The following HELLS variants were observed in gnomAD, a reference collection of about 807,000 sequenced individuals.
HELLS encodes helicase, lymphoid specific, also known as lymphoid-specific helicase.
HELLS carries 32 observed loss-of-function variants against 120.0 expected under a neutral mutation model. The ratio of observed to expected loss-of-function variants is 0.27; its 90% CI spans 0.20 to 0.36. The LOEUF (loss-of-function observed/expected upper bound fraction) is 0.36, where lower values mean the gene tolerates loss of function less well. HELLS is among the 10% of genes least tolerant of loss of function. The pLI is 1.00. For missense variants in HELLS, 650 were observed against 993.4 expected (o/e 0.65, Z 4.65); for synonymous variants, 341 against 323.4 (o/e 1.05, Z -0.58).
intron 4 of HELLS, among the ~76,000 whole-genome samples, chr10:94,559,965 A>C (rs936735656): frequency 2.6e-5 from 4 of 152,200 alleles, no homozygotes; most frequent in African/African-American, 9.7e-5. Context: ...ATTTGCTGAA[A>C]ATTACGGATT....
At chr10:94,568,967 G>C (rs543753861) in intron 6 of HELLS, among the ~76,000 whole-genome samples, 13 of 150,868 alleles carry the variant, frequency 8.6e-5, no homozygotes, top group Non-Finnish European at 1.9e-4. Context: ...TCATCCTCCC[G>C]AGTAGCTGGG....
intron 4 of HELLS, 109 bp downstream of exon 4, chr10:94,558,304 A>G (rs1843365368): frequency 1.5e-6 from 2 of 1,309,848 alleles, no homozygotes; most frequent in South Asian, 1.7e-5. Flanking sequence ...TTCTTTAGTG[A>G]TAAACCTAAC....
chr10:94,572,472 C>A (rs1226601378), intron 7 of HELLS, among the ~76,000 whole-genome samples: 1 of 152,198 alleles, frequency 6.6e-6, no homozygotes, highest in East Asian at 1.9e-4. Context: ...TTCCACTCAA[C>A]ATGTCTGTGA....
At chr10:94,573,359 C>G (rs75977792) in intron 7 of HELLS, among the ~76,000 whole-genome samples, 1 of 152,146 alleles carries the variant, frequency 6.6e-6, no homozygotes, top group Non-Finnish European at 1.5e-5. Context: ...TTGAGTATCA[C>G]AATATTAGAA....
Position 94,545,925 on chromosome 10 carries a change from C to T in HELLS, c.4C>T (p.Pro2Ser). 2.6e-6 allele frequency: 4 copies of T among 1,555,698 alleles called. No homozygotes were observed. In the South Asian group the frequency reaches 4.7e-5, roughly 18 times the overall value. Reference protein sequence around the residue: MPAERPAGSGGS... With the variant: MSAERPAGSGGS... ...GTTCCCGGGTGAGTGTCCAGGCATG[C>T]CAGCGGAACGGCCCGCGGGCAGCGG... The change falls in exon 1 of 22, where the codon CCA (proline) becomes TCA (serine). Residue 2 changes from proline to serine, a missense_variant. This residue lies in a region of HELLS where 90 missense variants were observed against 93.6 expected (regional missense o/e 0.96). Transcript: ENST00000348459.
chr10:94,560,687 ACT>A (rs1420882747), intron 4 of HELLS, among the ~76,000 whole-genome samples: 1 of 151,198 alleles, frequency 6.6e-6, no homozygotes, highest in African/African-American at 2.4e-5. Context: ...ACAGAGGGAG[ACT>A]CTGTTCCTAA....
rs771903724 is a variant in HELLS at position 94,601,567 on chromosome 10, G to T, written c.2462G>T (p.Gly821Val). Reference sequence around the variant, plus strand: ...TCAGGACCAATTAAAGAGAAGATGGGGATATTCAAGATATTAGAAAATTCT... The same window carrying T: ...TCAGGACCAATTAAAGAGAAGATGGTGATATTCAAGATATTAGAAAATTCT... ...NASGPIKEKM[G>V]IFKILENSED... Residue 821 changes from glycine to valine, a missense_variant, in exon 22 of 22, where the codon GGG (glycine) becomes GTG (valine). Gly to Val is a moderately radical substitution (Grantham distance 109, BLOSUM62 -3). Transcript: ENST00000348459. 1 of 1,586,084 alleles carries T rather than the reference G, an allele frequency of 6.3e-7. No individual in the cohort carries two copies. The highest frequency in any genetic ancestry group is 8.6e-7 in the Non-Finnish European group (1 of 1,159,664).
intron 2 of HELLS, among the ~76,000 whole-genome samples, chr10:94,550,159 A>T (rs570092253): frequency 2.0e-5 from 3 of 152,122 alleles, no homozygotes; most frequent in African/African-American, 4.8e-5. Context: ...ACCTCAGGTG[A>T]TCCGCCCGTC....
exon 10 of HELLS, chr10:94,610,797 C>G (rs1418583866): frequency 6.6e-6 from 1 of 152,198 alleles, no homozygotes; most frequent in Non-Finnish European, 1.5e-5. Flanking sequence ...GCCATGTTGG[C>G]CAGGCTAGCC....
At chr10:94,611,132 T>G (rs1472227318) in exon 10 of HELLS, 1 of 152,198 alleles carries the variant, frequency 6.6e-6, no homozygotes, top group Non-Finnish European at 1.5e-5. Context: ...TGAAGGGACT[T>G]TCATGATTTC....
Position 94,575,086 on chromosome 10 carries a change from T to C in HELLS, c.888+350T>C, listed in dbSNP as rs574567592. On this transcript the variant is annotated intron_variant, in intron 9 of 21. Coordinates refer to ENST00000348459, the MANE Select transcript of HELLS (RefSeq NM_018063.5). ...GAGTTTTCTGTTTTTTCTGTACTTG[T>C]TACCTTCTGCAATTTTTTTTTTTTT... Among the ~76,000 whole-genome samples the C allele has an allele frequency of 2.0e-5, 3 of 151,778 alleles. No homozygotes were observed. The South Asian group carries it at 6.2e-4, about 32-fold the overall frequency.
chr10:94,600,907 T>C (rs549916179), intron 21 of HELLS, among the ~76,000 whole-genome samples: 7 of 152,074 alleles, frequency 4.6e-5, no homozygotes, highest in Non-Finnish European at 8.8e-5. Flanking sequence ...TTGCAACATA[T>C]AACAGGAAGT....
downstream of HELLS, among the ~76,000 whole-genome samples, chr10:94,605,165 C>T (rs1391395795): frequency 2.0e-5 from 3 of 148,706 alleles, no homozygotes; most frequent in Admixed American, 2.0e-4. Flanking sequence ...TCACTGCAAC[C>T]TCTGTCTCCC....
chr10:94,612,477 G>A (rs905773290), exon 10 of HELLS: 7 of 152,314 alleles, frequency 4.6e-5, no homozygotes, highest in African/African-American at 1.7e-4. Flanking sequence ...CAAGTGAACA[G>A]TGGAGTTTTA....
At chr10:94,601,025 G>C (rs1846011016) in intron 21 of HELLS, among the ~76,000 whole-genome samples, 1 of 152,128 alleles carries the variant, frequency 6.6e-6, no homozygotes. Flanking sequence ...AGGATGATTA[G>C]AAATCAGTAA....
chr10:94,556,749 T>C (rs1473904413), intron 3 of HELLS, among the ~76,000 whole-genome samples: 1 of 152,242 alleles, frequency 6.6e-6, no homozygotes, highest in Non-Finnish European at 1.5e-5. Flanking sequence ...ATTTTTGAAA[T>C]ACGTTTTTAC....
chr10:94,574,382 T>C (rs1844331890), intron 8 of HELLS, 172 bp from the exon 9 acceptor site: 1 of 700,866 alleles, frequency 1.4e-6, no homozygotes, highest in East Asian at 2.7e-5. Flanking sequence ...CCAGCACTTT[T>C]ATGGCTTTGA....
In HELLS at chr10:94,596,973, A is replaced by G. The variant is rs1037914914; in HGVS notation, c.2345+17A>G. On this transcript the variant is annotated intron_variant, in intron 20 of 21. Transcript: ENST00000348459. ...TTATGAAAGGTGAGTTTTTAATTTT[A>G]GAAAGATTTAATTTGTAGCTTTGAA... 6.8e-7 allele frequency: 1 copy of G among 1,464,236 alleles called. No homozygotes were observed. Among genetic ancestry groups the G allele is most frequent in the African/African-American group, 1.4e-5 (1 of 71,266 alleles). The allele number at this position is 1,464,236 out of a possible 1,614,324, so 90.7% of individuals were successfully genotyped here.
chr10:94,558,759 G>A (rs1843394741), intron 4 of HELLS, among the ~76,000 whole-genome samples: 1 of 152,006 alleles, frequency 6.6e-6, no homozygotes, highest in African/African-American at 2.4e-5. Flanking sequence ...CCGCCACCAT[G>A]CCTGGCTAAT....
Sources: gnomAD v4.1 joint callset for allele counts (sites outside exome capture counted in the v4.1 genomes callset) on GRCh38, gnomAD v4.1.1 for gene constraint, gnomAD v4.1.1 regional missense constraint, MANE v1.5 for transcripts, NCBI Gene and HGNC (gene_info 2026-07-23, HGNC 2026-07-21) for gene names.